RARB: variants seen among roughly 807,000 people sequenced by gnomAD.
RARB encodes retinoic acid receptor beta.
A neutral mutation model predicts 51.9 loss-of-function variants in RARB; 17 were observed. The observed-to-expected ratio is 0.33, with a 90% CI of 0.22 to 0.49. The LOEUF (loss-of-function observed/expected upper bound fraction) is 0.49. Among genes scored for constraint, RARB ranks in the 20% least tolerant of loss-of-function variants. The pLI is 0.99. For synonymous variants in RARB, 215 were observed against 195.4 expected (o/e 1.10, Z -0.84); for missense variants, 369 against 550.8 (o/e 0.67, Z 3.30).
rs1699875588 is a variant in RARB at position 25,127,264 on chromosome 3, C to G, written c.-327-4897C>G. On this transcript the variant is annotated intron_variant, in intron 3 of 11. Transcript: ENST00000383772. ...ATACCTGATCTGGCCCTGCAAACCT[C>G]CCTCACCTCTTCCCAGGACCTGTCA... Among the ~76,000 whole-genome samples the G allele has an allele frequency of 2.0e-5, 3 of 152,264 alleles. No individual in the cohort carries two copies. The South Asian group carries it at 6.2e-4, about 32-fold the overall frequency.
chr3:25,002,907 G>T (rs1697196838), intron 2 of RARB, among the ~76,000 whole-genome samples: 1 of 151,978 alleles, frequency 6.6e-6, no homozygotes, highest in Non-Finnish European at 1.5e-5. Context: ...AAAGCATCTG[G>T]TTCCTGGCCA....
chr3:24,861,273 A>G (rs1186002899), intron 2 of RARB, among the ~76,000 whole-genome samples: 1 of 152,200 alleles, frequency 6.6e-6, no homozygotes, highest in East Asian at 1.9e-4. Flanking sequence ...AAATGTACAT[A>G]GATTATATGC....
At chr3:25,380,360 C>G (rs1264922010) in intron 5 of RARB, among the ~76,000 whole-genome samples, 1 of 152,190 alleles carries the variant, frequency 6.6e-6, no homozygotes, top group African/African-American at 2.4e-5. Context: ...GTCTCAGGCT[C>G]TGTGACTGGC....
chr3:25,571,902 T>A (rs1269059963), intron 4 of RARB, among the ~76,000 whole-genome samples: 1 of 152,238 alleles, frequency 6.6e-6, no homozygotes. Flanking sequence ...GGATACTAAC[T>A]GACCCTCCAG....
chr3:25,243,818 G>A (rs1403448217), intron 5 of RARB, among the ~76,000 whole-genome samples: 5 of 152,162 alleles, frequency 3.3e-5, no homozygotes, highest in African/African-American at 1.2e-4. Flanking sequence ...GATGATGCTG[G>A]CCTCATAAAA....
Position 25,428,623 on chromosome 3 carries a change from G to T in RARB, c.-109G>T. 1.4e-6 allele frequency: 2 copies of T among 1,441,832 alleles called. No homozygotes were observed. 89.3% of individuals were successfully genotyped at this position (1,441,832 alleles called of 1,614,324 possible). A position where few individuals can be genotyped will look rare whatever the true frequency, so the allele number is the denominator to read the frequency against. On this transcript the variant is annotated 5_prime_UTR_variant, in exon 1 of 8. Transcript: ENST00000330688. The stretch of plus-strand genomic sequence containing the variant: ...GCTGGGAAAAAGACCAACAGCCTAC[G>T]TGCCAAAAAAGGGGCAGAGTTTGAT...
intron 5 of RARB, among the ~76,000 whole-genome samples, chr3:25,204,750 A>G (rs972070655): frequency 1.3e-5 from 2 of 152,162 alleles, no homozygotes; most frequent in South Asian, 2.1e-4. Context: ...AATACTGGCA[A>G]ACAGCAAATG....
At chr3:25,082,427 A>T (rs1453048174) in intron 3 of RARB, among the ~76,000 whole-genome samples, 3 of 151,876 alleles carry the variant, frequency 2.0e-5, no homozygotes, top group Non-Finnish European at 4.4e-5. Flanking sequence ...TTCAGTAATT[A>T]TACCCCTTTA....
intron 2 of RARB, among the ~76,000 whole-genome samples, chr3:24,990,854 G>A (rs1288563247): frequency 6.6e-6 from 1 of 152,172 alleles, no homozygotes; most frequent in Non-Finnish European, 1.5e-5. Context: ...ATTGAATTAT[G>A]TATTAATTTA....
chr3:25,569,058 C>T (rs1700609663), intron 3 of RARB, among the ~76,000 whole-genome samples: 1 of 152,232 alleles, frequency 6.6e-6, no homozygotes, highest in South Asian at 2.1e-4. Flanking sequence ...TGCTGTGGGT[C>T]CAGTGTTCCA....
chr3:24,939,613 T>G (rs544830844), intron 2 of RARB, among the ~76,000 whole-genome samples: 2 of 152,366 alleles, frequency 1.3e-5, no homozygotes, highest in South Asian at 4.1e-4. Flanking sequence ...CACCATTGTT[T>G]TCCTTTTTCA....
chr3:25,518,123 G>A (rs751661241), intron 3 of RARB, among the ~76,000 whole-genome samples: 5 of 152,156 alleles, frequency 3.3e-5, no homozygotes, highest in African/African-American at 4.8e-5. Flanking sequence ...CAAATTTATA[G>A]CATTTGAATT....
At chr3:25,213,997 AT>A (rs1322677594) in intron 5 of RARB, among the ~76,000 whole-genome samples, 2 of 152,238 alleles carry the variant, frequency 1.3e-5, no homozygotes, top group Non-Finnish European at 2.9e-5. Context: ...TAGTAAAAAA[AT>A]AATCCAGAGA....
At chr3:25,407,543 A>T (rs1707445054) in intron 5 of RARB, among the ~76,000 whole-genome samples, 1 of 152,132 alleles carries the variant, frequency 6.6e-6, no homozygotes, top group Non-Finnish European at 1.5e-5. Context: ...ACACTATCCC[A>T]CCTGCTGGTT....
chr3:25,131,807 C>G (rs1258857484), intron 3 of RARB, among the ~76,000 whole-genome samples: 2 of 151,806 alleles, frequency 1.3e-5, no homozygotes, highest in Non-Finnish European at 2.9e-5. Context: ...CACTCCCAAC[C>G]CCTCCCCAAA....
intron 5 of RARB, among the ~76,000 whole-genome samples, chr3:25,211,551 A>T (rs1701697919): frequency 6.6e-6 from 1 of 152,244 alleles, no homozygotes; most frequent in Non-Finnish European, 1.5e-5. Context: ...GTAGAATGAA[A>T]ACTCCAGCAT....
intron 5 of RARB, among the ~76,000 whole-genome samples, chr3:25,414,182 T>TACATCCA (rs1559390663): frequency 6.6e-6 from 1 of 152,262 alleles, no homozygotes; most frequent in Non-Finnish European, 1.5e-5. Flanking sequence ...TTAGCTACTA[T>TACATCCA]TGTATCCATC....
At chr3:25,429,644 T>C (rs1466676157) in intron 1 of RARB, among the ~76,000 whole-genome samples, 2 of 152,130 alleles carry the variant, frequency 1.3e-5, no homozygotes, top group Admixed American at 6.5e-5. Flanking sequence ...GGAAAGGAAA[T>C]ATAAGTGGGG....
intron 5 of RARB, among the ~76,000 whole-genome samples, chr3:25,320,805 G>A (rs1409162018): frequency 6.6e-6 from 1 of 152,156 alleles, no homozygotes; most frequent in Non-Finnish European, 1.5e-5. Flanking sequence ...TTCTTTCCCA[G>A]TGAACTCATC....
Sources: gnomAD v4.1 joint callset for allele counts (sites outside exome capture counted in the v4.1 genomes callset) on GRCh38, gnomAD v4.1.1 for gene constraint, MANE v1.5 for transcripts, NCBI Gene and HGNC (gene_info 2026-07-23, HGNC 2026-07-21) for gene names.